The following SAMD12 variants were observed in gnomAD, a reference collection of about 807,000 sequenced individuals.
The protein encoded by SAMD12 is sterile alpha motif domain containing 12.
SAMD12 carries 9 observed loss-of-function variants against 15.0 expected under a neutral mutation model. That is an observed-to-expected ratio of 0.60 (90% CI 0.36 to 1.05). The LOEUF (loss-of-function observed/expected upper bound fraction) is 1.05. SAMD12 is among the 50% of genes least tolerant of loss of function. The pLI, the probability that SAMD12 is intolerant of heterozygous loss-of-function variation, is 0.01. For synonymous variants in SAMD12, 86 were observed against 90.1 expected (o/e 0.96, Z 0.25); for missense variants, 230 against 234.2 (o/e 0.98, Z 0.12).
At chr8:118,346,581 C>T (rs969307332) in intron 4 of SAMD12, among the ~76,000 whole-genome samples, 7 of 152,116 alleles carry the variant, frequency 4.6e-5, no homozygotes, top group East Asian at 1.9e-4. Flanking sequence ...AGATGTTAAA[C>T]GGCATTGAGA....
intron 3 of SAMD12, among the ~76,000 whole-genome samples, chr8:118,396,061 T>C (rs1563826656): frequency 2.0e-5 from 3 of 152,194 alleles, no homozygotes; most frequent in South Asian, 4.1e-4. Flanking sequence ...TCAGTGTCCA[T>C]TCATTCTTCT....
In SAMD12 at chr8:118,485,324, T is replaced by C. The variant is rs149325570; in HGVS notation, c.193-45363A>G. ...ACAAAAGCTGCAATGACACATTAAATACACTTTTCTCCTGCAAATGACAAA... is the reference window on the plus strand; with the variant it reads ...ACAAAAGCTGCAATGACACATTAAACACACTTTTCTCCTGCAAATGACAAA... On this transcript the variant is annotated intron_variant, in intron 2 of 3. Transcript: ENST00000314727. Among the ~76,000 whole-genome samples the C allele has an allele frequency of 3.6e-4, 55 of 152,202 alleles. 1 individual carries two copies. The East Asian group carries it at 0.01, about 28-fold the overall frequency.
At chr8:118,511,768 C>T (rs919351547) in intron 2 of SAMD12, among the ~76,000 whole-genome samples, 3 of 152,308 alleles carry the variant, frequency 2.0e-5, no homozygotes, top group African/African-American at 7.2e-5. Context: ...ATTCAACAGA[C>T]ACAATGTGAT....
intron 4 of SAMD12, among the ~76,000 whole-genome samples, chr8:118,261,940 A>G (rs1311814021): frequency 6.6e-6 from 1 of 151,966 alleles, no homozygotes; most frequent in Non-Finnish European, 1.5e-5. Context: ...GTATCCAACA[A>G]TAGATGAATG....
chr8:118,426,627 C>A (rs970567632), intron 3 of SAMD12, among the ~76,000 whole-genome samples: 1 of 152,152 alleles, frequency 6.6e-6, no homozygotes, highest in Admixed American at 6.5e-5. Flanking sequence ...GTGACAATTT[C>A]CACTCTTTTC....
intron 3 of SAMD12, among the ~76,000 whole-genome samples, chr8:118,407,446 G>T (rs1821189308): frequency 6.6e-6 from 1 of 152,098 alleles, no homozygotes; most frequent in South Asian, 2.1e-4. Flanking sequence ...TTCATATGCA[G>T]GTAACACTAT....
At chr8:118,289,245 G>C (rs1248055484) in intron 4 of SAMD12, among the ~76,000 whole-genome samples, 1 of 152,112 alleles carries the variant, frequency 6.6e-6, no homozygotes, top group Non-Finnish European at 1.5e-5. Context: ...CTGGCAACTT[G>C]AATCACCCTT....
At chr8:118,422,364 T>G (rs1383969549) in intron 3 of SAMD12, among the ~76,000 whole-genome samples, 17 of 152,202 alleles carry the variant, frequency 1.1e-4, no homozygotes, top group Admixed American at 1.1e-3. Flanking sequence ...TAGCTGTCAT[T>G]TATTAATTGT....
chr8:118,213,020 A>C (rs2514958), intron 4 of SAMD12, among the ~76,000 whole-genome samples: 2 of 152,054 alleles, frequency 1.3e-5, no homozygotes, highest in East Asian at 3.8e-4. Context: ...ACGATGAAGC[A>C]TAAAAGGGTG....
At chr8:118,223,554 G>A (rs1812125903) in intron 4 of SAMD12, among the ~76,000 whole-genome samples, 2 of 152,218 alleles carry the variant, frequency 1.3e-5, no homozygotes, top group South Asian at 4.1e-4. Context: ...CTGCCCTGAT[G>A]GGGAGGTAGA....
intron 2 of SAMD12, among the ~76,000 whole-genome samples, chr8:118,451,088 T>C (rs1446143732): frequency 1.3e-5 from 2 of 152,168 alleles, no homozygotes; most frequent in Non-Finnish European, 2.9e-5. Flanking sequence ...TTACTGCTAG[T>C]AGAGAAACAT....
chr8:118,257,094 G>A (rs996789750), intron 4 of SAMD12, among the ~76,000 whole-genome samples: 8 of 151,996 alleles, frequency 5.3e-5, no homozygotes, highest in Admixed American at 2.0e-4. Context: ...CATCCAATTA[G>A]AAAAGACATT....
intron 2 of SAMD12, among the ~76,000 whole-genome samples, chr8:118,578,183 A>T (rs1395569806): frequency 6.6e-6 from 1 of 152,038 alleles, no homozygotes; most frequent in Non-Finnish European, 1.5e-5. Context: ...TATCACATAC[A>T]TTTTCCCACA....
At chr8:118,367,420 A>C (rs1439135945) in intron 4 of SAMD12, among the ~76,000 whole-genome samples, 3 of 152,186 alleles carry the variant, frequency 2.0e-5, no homozygotes, top group African/African-American at 7.2e-5. Flanking sequence ...TATCCTCAAG[A>C]ATAAAACCAA....
At chr8:118,415,080 A>G (rs1429789382) in intron 3 of SAMD12, among the ~76,000 whole-genome samples, 1 of 152,178 alleles carries the variant, frequency 6.6e-6, no homozygotes, top group Non-Finnish European at 1.5e-5. Flanking sequence ...AGGGATACCC[A>G]CTGAAATCCC....
intron 4 of SAMD12, among the ~76,000 whole-genome samples, chr8:118,302,278 T>C (rs1185990322): frequency 6.6e-6 from 1 of 152,028 alleles, no homozygotes; most frequent in Non-Finnish European, 1.5e-5. Flanking sequence ...TTGTGAACAG[T>C]AGCATCTCGA....
chr8:118,369,145 G>A (rs1563801916), intron 4 of SAMD12, among the ~76,000 whole-genome samples: 1 of 152,186 alleles, frequency 6.6e-6, no homozygotes, highest in Admixed American at 6.5e-5. Context: ...TGGATACTAT[G>A]TGATGAATAC....
At chr8:118,310,303 G>A (rs376640037) in intron 4 of SAMD12, among the ~76,000 whole-genome samples, 16 of 152,226 alleles carry the variant, frequency 1.1e-4, no homozygotes, top group Admixed American at 2.6e-4. Flanking sequence ...ACCTTGATGA[G>A]TATGTGGTGT....
chr8:118,561,501 T>C (rs950018418), intron 2 of SAMD12, among the ~76,000 whole-genome samples: 4 of 152,198 alleles, frequency 2.6e-5, no homozygotes, highest in Non-Finnish European at 5.9e-5. Flanking sequence ...TCAGCATGGC[T>C]GGGGAGGCCT....
Sources: allele counts gnomAD v4.1 joint callset (sites outside exome capture counted in the v4.1 genomes callset), GRCh38; gene constraint gnomAD v4.1.1; transcripts MANE v1.5; gene names NCBI Gene and HGNC (gene_info 2026-07-23, HGNC 2026-07-21).